DAB1: variants seen among roughly 807,000 people sequenced by gnomAD.
The protein encoded by DAB1 is DAB adaptor protein 1.
In DAB1, 15 loss-of-function variants were observed where a neutral mutation model predicts 64.6. That is an observed-to-expected ratio of 0.23 (90% CI 0.16 to 0.36). The LOEUF is 0.36. Ranked by LOEUF, DAB1 falls within the 10% of genes least tolerant of loss-of-function variation. DAB1 has a pLI of 1.00. For missense variants in DAB1, 596 were observed against 706.7 expected, an observed-to-expected ratio of 0.84 and a Z score of 1.78; for synonymous variants, 235 against 251.9, an observed-to-expected ratio of 0.93 and a Z score of 0.64.
At chr1:58,186,831 T>C (rs1024573274) in intron 4 of DAB1, among the ~76,000 whole-genome samples, 4 of 152,190 alleles carry the variant, frequency 2.6e-5, no homozygotes, top group African/African-American at 9.7e-5. Context: ...TCTTCCAACA[T>C]GCTGGACCAA....
intron 5 of DAB1, among the ~76,000 whole-genome samples, chr1:58,067,359 G>T (rs1048917696): frequency 6.6e-6 from 1 of 152,208 alleles, no homozygotes; most frequent in Non-Finnish European, 1.5e-5. Flanking sequence ...GATAAAGCAC[G>T]TTTGTTCTGA....
At chr1:58,147,717 T>C (rs979208515) in intron 5 of DAB1, among the ~76,000 whole-genome samples, 1 of 152,040 alleles carries the variant, frequency 6.6e-6, no homozygotes, top group African/African-American at 2.4e-5. Flanking sequence ...GCAGAGTACA[T>C]ACCCAAAGCA....
intron 7 of DAB1, among the ~76,000 whole-genome samples, chr1:57,501,675 A>G (rs2101317309): frequency 6.6e-6 from 1 of 152,312 alleles, no homozygotes; most frequent in East Asian, 1.9e-4. Context: ...AAGGCTTCGT[A>G]AAAGCAGTTT....
intron 4 of DAB1, among the ~76,000 whole-genome samples, chr1:58,267,270 A>G (rs959662141): frequency 2.6e-5 from 4 of 152,154 alleles, no homozygotes; most frequent in Admixed American, 2.6e-4. Context: ...AAAAAAATGT[A>G]TTTGCTCTGA....
chr1:58,100,533 C>T (rs146418447), intron 5 of DAB1, among the ~76,000 whole-genome samples: 43 of 152,186 alleles, frequency 2.8e-4, no homozygotes, highest in African/African-American at 8.2e-4. Flanking sequence ...CATGTGTGTA[C>T]GCATATCTCT....
chr1:57,129,247 G>T (rs1048472274), intron 4 of DAB1, among the ~76,000 whole-genome samples: 1 of 152,022 alleles, frequency 6.6e-6, no homozygotes, highest in African/African-American at 2.4e-5. Context: ...TATAGACTTG[G>T]TCCTGTAAAT....
intron 7 of DAB1, among the ~76,000 whole-genome samples, chr1:57,522,191 A>T (rs1335980305): frequency 6.6e-6 from 1 of 152,164 alleles, no homozygotes; most frequent in Non-Finnish European, 1.5e-5. Context: ...AAAGGCAAGG[A>T]TGAGGTCTCA....
chr1:58,023,586 C>A (rs1202113040), intron 5 of DAB1, among the ~76,000 whole-genome samples: 1 of 152,104 alleles, frequency 6.6e-6, no homozygotes, highest in Non-Finnish European at 1.5e-5. Flanking sequence ...AAGTCTAGTT[C>A]TCAGCAAAGA....
intron 5 of DAB1, among the ~76,000 whole-genome samples, chr1:58,058,443 G>T (rs2806404): frequency 0.5 from 76,256 of 151,934 alleles, 20,893 homozygotes; most frequent in Non-Finnish European, 0.62. Context: ...TACGCCATTC[G>T]CTCCCACTAT....
chr1:58,042,192 A>C (rs1647146930), intron 5 of DAB1, among the ~76,000 whole-genome samples: 1 of 152,232 alleles, frequency 6.6e-6, no homozygotes, highest in Non-Finnish European at 1.5e-5. Context: ...ACTTCTGACA[A>C]ACTCACGGCT....
At chr1:57,558,924 T>C (rs575337786) in intron 7 of DAB1, among the ~76,000 whole-genome samples, 7 of 152,262 alleles carry the variant, frequency 4.6e-5, no homozygotes, top group African/African-American at 1.4e-4. Context: ...CCTTGTGAAA[T>C]AGATTTGTGT....
chr1:57,441,274 C>CTTTTCT (rs1558383658), intron 7 of DAB1, among the ~76,000 whole-genome samples: 15 of 26,294 alleles, frequency 5.7e-4, no homozygotes, highest in Non-Finnish European at 4.3e-4. Flanking sequence ...CTTTCTTTCT[C>CTTTTCT]TTTCTTTCTT....
chr1:58,387,638 CA>C (rs1644443444), intron 3 of DAB1, among the ~76,000 whole-genome samples: 3 of 151,830 alleles, frequency 2.0e-5, no homozygotes, highest in Non-Finnish European at 4.4e-5. Context: ...TGAGGACCCT[CA>C]GTGTTTTCTC....
chr1:58,097,576 T>C (rs1191589987), intron 5 of DAB1, among the ~76,000 whole-genome samples: 1 of 151,348 alleles, frequency 6.6e-6, no homozygotes, highest in African/African-American at 2.4e-5. Flanking sequence ...AAAGGATGAG[T>C]AGGAGTTCAT....
intron 4 of DAB1, among the ~76,000 whole-genome samples, chr1:58,200,071 A>C (rs2100260440): frequency 6.6e-6 from 1 of 152,302 alleles, no homozygotes; most frequent in South Asian, 2.1e-4. Flanking sequence ...ACAGAGACTT[A>C]GAAATTAAGT....
intron 7 of DAB1, among the ~76,000 whole-genome samples, chr1:57,446,451 G>T (rs1686140397): frequency 1.3e-5 from 2 of 152,004 alleles, no homozygotes; most frequent in African/African-American, 4.8e-5. Flanking sequence ...TAAAAAATTA[G>T]CCGGGCTTGG....
chr1:58,178,044 G>C (rs1656584290), intron 4 of DAB1, among the ~76,000 whole-genome samples: 1 of 152,156 alleles, frequency 6.6e-6, no homozygotes, highest in Non-Finnish European at 1.5e-5. Context: ...CTTTGAAATA[G>C]AAAGTGTAAG....
At chr1:57,944,871 G>C (rs1412443051) in intron 5 of DAB1, among the ~76,000 whole-genome samples, 45 of 152,086 alleles carry the variant, frequency 3.0e-4, no homozygotes, top group Non-Finnish European at 5.9e-5. Flanking sequence ...ATGTGATCAT[G>C]CCACCTCACA....
chr1:57,420,423 A>G (rs916777272), intron 1 of DAB1, among the ~76,000 whole-genome samples: 2 of 152,238 alleles, frequency 1.3e-5, no homozygotes, highest in Non-Finnish European at 2.9e-5. Context: ...TGAGAATACA[A>G]GTATCCACAT....
Sources: allele counts gnomAD v4.1 joint callset (sites outside exome capture counted in the v4.1 genomes callset), GRCh38; gene constraint gnomAD v4.1.1; transcripts MANE v1.5; gene names NCBI Gene and HGNC (gene_info 2026-07-23, HGNC 2026-07-21).